The following ZBBX variants were observed in gnomAD, a reference collection of about 807,000 sequenced individuals.
ZBBX encodes zinc finger B-box domain containing, also known as zinc finger B-box domain-containing protein 1.
Under a neutral mutation model 108.5 loss-of-function variants are expected in ZBBX, and 101 were observed. The observed-to-expected ratio is 0.93, with a 90% confidence interval of 0.79 to 1.10. The LOEUF (loss-of-function observed/expected upper bound fraction) is 1.10. Among genes scored for constraint, ZBBX ranks in the 50% least tolerant of loss-of-function variants. The probability of loss-of-function intolerance (pLI) is 0.00; values close to 1 mark genes in which losing one functional copy is unlikely to be tolerated. For missense variants in ZBBX, 1,009 were observed against 941.4 expected, an observed-to-expected ratio of 1.07 and a Z score of -0.94; for synonymous variants, 356 against 323.4, an observed-to-expected ratio of 1.10 and a Z score of -1.08.
chr3:167,241,596 A>C (rs556889430), intron 21 of ZBBX, among the ~76,000 whole-genome samples: 68 of 152,326 alleles, frequency 4.5e-4, no homozygotes, highest in African/African-American at 1.5e-3. Flanking sequence ...ATAGAAATGC[A>C]AAAATCCAGG....
intron 9 of ZBBX, 77 bp from the exon 10 acceptor site, chr3:167,334,062 G>C (rs1019333972): frequency 2.7e-5 from 26 of 980,050 alleles, no homozygotes; most frequent in Non-Finnish European, 3.6e-5. Context: ...ACTCATATTT[G>C]TGTTATTCTA....
At chr3:167,392,473 T>C (rs948182658) in intron 1 of ZBBX, among the ~76,000 whole-genome samples, 7 of 151,948 alleles carry the variant, frequency 4.6e-5, no homozygotes, top group East Asian at 1.9e-4. Flanking sequence ...GGTAAGTTTA[T>C]ATTTAACTTT....
chr3:167,244,895 T>C (rs1479776497), intron 20 of ZBBX, among the ~76,000 whole-genome samples: 1 of 152,092 alleles, frequency 6.6e-6, no homozygotes, highest in Non-Finnish European at 1.5e-5. Flanking sequence ...ATAGATAAAA[T>C]ATAGAGTTCT....
chr3:167,317,529 T>G lies in ZBBX; in HGVS notation c.1052A>C (p.Asp351Ala), dbSNP rs374645433. Residue 351 changes from aspartate (D) to alanine (A), a missense_variant, in exon 13 of 22, where the codon GAT becomes GCT. By Grantham distance (126) the Asp-to-Ala change is moderately radical (BLOSUM62 -2). Coordinates refer to ENST00000675490, the MANE Select transcript of ZBBX (RefSeq NM_001199201.2). ...GTTTTCATTTTGAGAACACTGTGCA[T>G]CACCAGTGGTTTCATGTGGATGTGG... is the stretch of plus-strand genomic sequence containing the variant. The part of the protein sequence containing the change: ...TFPHPHETTG[D>A]AQCSQNENDE... 6 of 1,611,264 alleles carry G rather than the reference T, an allele frequency of 3.7e-6. No homozygotes were observed. The highest frequency in any genetic ancestry group is 5.1e-6 in the Non-Finnish European group (6 of 1,178,522).
the ZBBX span, among the ~76,000 whole-genome samples, chr3:167,201,579 T>C: frequency 6.6e-6 from 1 of 152,118 alleles, no homozygotes; most frequent in African/African-American, 2.4e-5. Flanking sequence ...GTTATGCTGA[T>C]GTAAACAAAT....
chr3:167,285,298 A>C (rs1729501520), intron 19 of ZBBX, among the ~76,000 whole-genome samples: 2 of 152,102 alleles, frequency 1.3e-5, no homozygotes, highest in African/African-American at 4.8e-5. Context: ...CAATAGAATT[A>C]GATGAAATGT....
chr3:167,404,895 CTTAA>C (rs1748536124), intron 1 of ZBBX, among the ~76,000 whole-genome samples: 2 of 151,974 alleles, frequency 1.3e-5, no homozygotes, highest in Admixed American at 1.3e-4. Flanking sequence ...AGATGATGGC[CTTAA>C]TTAATGCAGA....
At chr3:167,356,693 G>T (rs1308714661) in intron 8 of ZBBX, among the ~76,000 whole-genome samples, 1 of 152,122 alleles carries the variant, frequency 6.6e-6, no homozygotes, top group Non-Finnish European at 1.5e-5. Flanking sequence ...TTTGTTGAGT[G>T]CCTACCACAC....
intron 8 of ZBBX, among the ~76,000 whole-genome samples, chr3:167,356,306 T>C (rs1743560428): frequency 6.6e-6 from 1 of 152,058 alleles, no homozygotes; most frequent in Non-Finnish European, 1.5e-5. Context: ...AAGAAAATAA[T>C]ATAATGTAAT....
intron 18 of ZBBX, among the ~76,000 whole-genome samples, chr3:167,296,636 A>T (rs1023357631): frequency 2.4e-4 from 36 of 152,022 alleles, no homozygotes; most frequent in African/African-American, 7.7e-4. Context: ...AACAGCCTAA[A>T]AAAGAAACAA....
Position 167,380,258 on chromosome 3 carries a change from A to C in ZBBX, c.-298T>G, listed in dbSNP as rs1017121205. 1 of 152,252 alleles carries C rather than the reference A, an allele frequency of 6.6e-6. No individual in the cohort carries two copies. The highest frequency in any genetic ancestry group is 2.4e-5 in the African/African-American group (1 of 41,444). The allele number at this position is 152,252 out of a possible 1,614,324, so 9.4% of individuals were successfully genotyped here. A position where few individuals can be genotyped will look rare whatever the true frequency, so the allele number is the denominator to read the frequency against. On this transcript the variant is annotated 5_prime_UTR_variant, in exon 1 of 22. Transcript: ENST00000675490. ...GACAGACAACCCACCTGGAGACCCC[A>C]GCCTCTCGCGTCACCACCGCCGGAT...
At chr3:167,292,882 C>T (rs1179429054) in intron 18 of ZBBX, among the ~76,000 whole-genome samples, 4 of 152,242 alleles carry the variant, frequency 2.6e-5, no homozygotes, top group South Asian at 2.1e-4. Flanking sequence ...CCACCGATCC[C>T]ACAGACATAC....
the ZBBX span, among the ~76,000 whole-genome samples, chr3:167,179,778 C>T: frequency 6.6e-6 from 1 of 152,220 alleles, no homozygotes; most frequent in Non-Finnish European, 1.5e-5. Context: ...AAGACATTTT[C>T]AGCACCTTCA....
intron 20 of ZBBX, among the ~76,000 whole-genome samples, chr3:167,249,228 T>C (rs1361379152): frequency 6.6e-6 from 1 of 152,176 alleles, no homozygotes; most frequent in African/African-American, 2.4e-5. Context: ...CATCTGGCAT[T>C]TGGAACTTTT....
intron 2 of ZBBX, among the ~76,000 whole-genome samples, chr3:167,375,507 G>A (rs560930403): frequency 2.0e-5 from 3 of 151,944 alleles, no homozygotes; most frequent in Non-Finnish European, 2.9e-5. Flanking sequence ...CACGAGAATC[G>A]CTTGAACCCG....
chr3:167,183,383 C>G, the ZBBX span, among the ~76,000 whole-genome samples: 6 of 152,292 alleles, frequency 3.9e-5, no homozygotes, highest in South Asian at 1.0e-3. Flanking sequence ...CTCCGGCGAC[C>G]CTTTGACCCG....
the ZBBX span, among the ~76,000 whole-genome samples, chr3:167,205,803 A>G: frequency 6.6e-6 from 1 of 152,312 alleles, no homozygotes; most frequent in Middle Eastern, 3.4e-3. Context: ...TCTCAGAATA[A>G]AATAGTAATT....
At chr3:167,288,246 A>G (rs1311448418) in intron 19 of ZBBX, among the ~76,000 whole-genome samples, 1 of 152,180 alleles carries the variant, frequency 6.6e-6, no homozygotes, top group Non-Finnish European at 1.5e-5. Flanking sequence ...AGTGATTTTA[A>G]TGATGTTATA....
chr3:167,329,879 G>A (rs917883882), intron 10 of ZBBX, among the ~76,000 whole-genome samples: 2 of 152,130 alleles, frequency 1.3e-5, no homozygotes, highest in Non-Finnish European at 2.9e-5. Flanking sequence ...ATAAAATAGT[G>A]TGTTTGGCTG....
Sources: allele counts gnomAD v4.1 joint callset (sites outside exome capture counted in the v4.1 genomes callset), GRCh38; gene constraint gnomAD v4.1.1; transcripts MANE v1.5; gene names NCBI Gene and HGNC (gene_info 2026-07-23, HGNC 2026-07-21).